The following TTC7B variants were observed in gnomAD, a reference collection of about 807,000 sequenced individuals.
The protein encoded by TTC7B is tetratricopeptide repeat protein 7B.
A neutral mutation model predicts 106.8 loss-of-function variants in TTC7B; 28 were observed. The observed-to-expected ratio is 0.26, with a 90% CI of 0.19 to 0.36. The LOEUF is 0.36. Ranked by LOEUF, TTC7B falls within the 10% of genes least tolerant of loss-of-function variation. The pLI, the probability that TTC7B is intolerant of heterozygous loss-of-function variation, is 1.00. For synonymous variants in TTC7B, 405 were observed against 430.6 expected, an observed-to-expected ratio of 0.94 and a Z score of 0.74; for missense variants, 862 against 1,076.4, an observed-to-expected ratio of 0.80 and a Z score of 2.79.
chr14:90,684,872 T>A (rs560024374), intron 7 of TTC7B, among the ~76,000 whole-genome samples: 17 of 152,270 alleles, frequency 1.1e-4, no homozygotes, highest in African/African-American at 3.6e-4. Context: ...GTATGGTGTG[T>A]ATCCAAAAAA....
At chr14:90,583,254 T>C (rs1235456296) in intron 18 of TTC7B, among the ~76,000 whole-genome samples, 1 of 152,240 alleles carries the variant, frequency 6.6e-6, no homozygotes, top group African/African-American at 2.4e-5. Context: ...AGACAACTCC[T>C]AGCCACAGTC....
At chr14:90,677,970 C>A (rs2139925700) in intron 8 of TTC7B, 1 of 354,194 alleles carries the variant, frequency 2.8e-6, no homozygotes, top group Admixed American at 4.2e-5. Context: ...CCCTCTTGAG[C>A]CCAAAAAAAG....
rs149707074 is a variant in TTC7B at position 90,780,250 on chromosome 14, G to A, written c.445+488C>T. Among the ~76,000 whole-genome samples the A allele has an allele frequency of 3.9e-3, 588 of 151,988 alleles. 6 individuals are homozygous for A. The highest frequency in any genetic ancestry group is 0.013 in the African/African-American group (546 of 41,410). On this transcript the variant is annotated intron_variant, in intron 3 of 19. Coordinates refer to ENST00000328459, the MANE Select transcript of TTC7B (RefSeq NM_001010854.2). ...TACAAAATTAGCTGGGTGTGGTGGC[G>A]CATGCCTGTAATCCCAGCTACTCGG...
At position 90,807,362 on chromosome 14, in the gene TTC7B, C is replaced by T. The variant is rs1304102970; in HGVS notation, c.121+8813G>A. On this transcript the variant is annotated intron_variant, in intron 1 of 19. Coordinates refer to ENST00000328459, the MANE Select transcript of TTC7B (RefSeq NM_001010854.2). The surrounding 1 kb of genome is among the most constrained non-coding windows in gnomAD (Gnocchi z 4.1). ...CACATTCTGTCTCCCACTCGGACAA[C>T]CACGTCTAAAGTCTGGTCCTAGAAC... Among the ~76,000 whole-genome samples, 1 of 152,174 alleles carries T rather than the reference C, an allele frequency of 6.6e-6. No individual in the cohort carries two copies. Among genetic ancestry groups the T allele is most frequent in the Non-Finnish European group, 1.5e-5 (1 of 68,034 alleles).
intron 15 of TTC7B, among the ~76,000 whole-genome samples, chr14:90,628,482 T>A (rs1015637101): frequency 6.6e-6 from 1 of 152,166 alleles, no homozygotes; most frequent in Non-Finnish European, 1.5e-5. Context: ...GGGACCCAGT[T>A]CAGCAGACAA....
At chr14:90,710,211 A>G (rs67204198) in intron 5 of TTC7B, among the ~76,000 whole-genome samples, 23,552 of 152,088 alleles carry the variant, frequency 0.15, 1,942 homozygotes, top group Middle Eastern at 0.22. Context: ...GAGGGCTTCA[A>G]ATCTTCAGTG....
At chr14:90,794,727 G>A (rs1304978248) in intron 1 of TTC7B, among the ~76,000 whole-genome samples, 1 of 152,094 alleles carries the variant, frequency 6.6e-6, no homozygotes, top group Non-Finnish European at 1.5e-5. Flanking sequence ...TTTTTCAAAA[G>A]TCCAGGCGCT....
chr14:90,702,982 C>T (rs2139957133), intron 5 of TTC7B, among the ~76,000 whole-genome samples: 1 of 152,286 alleles, frequency 6.6e-6, no homozygotes, highest in Admixed American at 6.5e-5. Context: ...CTGAGTTCAT[C>T]AAGAAGGGCC....
chr14:90,771,698 T>C (rs1858536893), intron 3 of TTC7B, among the ~76,000 whole-genome samples: 1 of 151,742 alleles, frequency 6.6e-6, no homozygotes, highest in South Asian at 2.1e-4. Context: ...TGTACACACA[T>C]ACACACACAC....
chr14:90,783,850 T>C lies in TTC7B; in HGVS notation c.276+2324A>G, dbSNP rs144169742. 4.4e-3 allele frequency among the ~76,000 whole-genome samples: 666 copies of C among 152,124 alleles called. 2 individuals are homozygous for C. Among genetic ancestry groups the C allele is most frequent in the African/African-American group, 0.015 (635 of 41,470 alleles). ...TACTCAGGAGGCTGAGGCATAAGAA[T>C]TGCTTGAACCTGGGAGGTGGAGGTT... On this transcript the variant is annotated intron_variant, in intron 2 of 19. Coordinates refer to ENST00000328459, the MANE Select transcript of TTC7B (RefSeq NM_001010854.2).
At chr14:90,762,644 A>G (rs1336025645) in intron 3 of TTC7B, among the ~76,000 whole-genome samples, 1 of 152,216 alleles carries the variant, frequency 6.6e-6, no homozygotes, top group Non-Finnish European at 1.5e-5. Context: ...CTTGACTATG[A>G]CATGTATCGG....
intron 4 of TTC7B, among the ~76,000 whole-genome samples, chr14:90,743,739 G>C (rs117002630): frequency 2.6e-5 from 4 of 152,172 alleles, no homozygotes; most frequent in East Asian, 1.9e-4. Context: ...CCTCACAAAA[G>C]CTTCATGAAG....
intron 3 of TTC7B, among the ~76,000 whole-genome samples, chr14:90,775,484 A>G (rs1890996674): frequency 6.6e-6 from 1 of 152,142 alleles, no homozygotes; most frequent in Non-Finnish European, 1.5e-5. Flanking sequence ...CATGCCCTTA[A>G]CCACTGCATG....
At chr14:90,748,169 T>C (rs1890027743) in intron 3 of TTC7B, among the ~76,000 whole-genome samples, 1 of 152,218 alleles carries the variant, frequency 6.6e-6, no homozygotes, top group Non-Finnish European at 1.5e-5. Flanking sequence ...ACTTTGCTGT[T>C]TGTTTTTTAT....
chr14:90,649,574 G>C (rs1371115544), intron 13 of TTC7B, among the ~76,000 whole-genome samples: 6 of 152,192 alleles, frequency 3.9e-5, no homozygotes, highest in African/African-American at 1.2e-4. Context: ...CACCTGGCTA[G>C]ACTGCTCAGA....
chr14:90,712,850 T>C (rs1888501093), intron 5 of TTC7B, among the ~76,000 whole-genome samples: 1 of 152,132 alleles, frequency 6.6e-6, no homozygotes, highest in Non-Finnish European at 1.5e-5. Context: ...GGAGGACTTA[T>C]ACTACCTAAT....
intron 5 of TTC7B, among the ~76,000 whole-genome samples, chr14:90,702,409 T>C (rs1203928750): frequency 6.6e-6 from 1 of 152,236 alleles, no homozygotes. Flanking sequence ...AACTAGTCAG[T>C]AACAACTGTA....
At position 90,608,138 on chromosome 14, in the gene TTC7B, G is replaced by C. The variant is rs1377343481; in HGVS notation, c.1966+2604C>G. ...TGAATGACAGCATCTGCCCCTTCTTGACTGCACCATGAGCTGAACCATATG... is the reference window on the plus strand; with the variant it reads ...TGAATGACAGCATCTGCCCCTTCTTCACTGCACCATGAGCTGAACCATATG... On this transcript the variant is annotated intron_variant, in intron 17 of 19. Transcript: ENST00000328459. This position sits in a 1 kb window ranked among gnomAD's most constrained non-coding sequence, Gnocchi z 5.1. 6.6e-6 allele frequency among the ~76,000 whole-genome samples: 1 copy of C among 152,236 alleles called. No homozygotes were observed. Among genetic ancestry groups the C allele is most frequent in the Non-Finnish European group, 1.5e-5 (1 of 68,036 alleles).
Position 90,527,421 on chromosome 14 carries a change from C to T in TTC7B, c.*13947G>A, listed in dbSNP as rs1889172260. ...GTTTCACTTAACCCCACCCCTGTTA[C>T]TGTCCCTCTGGTAGAAGTCCTAATA... On this transcript the variant is annotated 3_prime_UTR_variant, in exon 20 of 20. Transcript: ENST00000328459. 6.6e-6 allele frequency: 1 copy of T among 152,196 alleles called. No individual in the cohort carries two copies. The highest frequency in any genetic ancestry group is 1.5e-5 in the Non-Finnish European group (1 of 68,040). 9.4% of individuals were successfully genotyped at this position (152,196 alleles called of 1,614,324 possible). A position where few individuals can be genotyped will look rare whatever the true frequency, so the allele number is the denominator to read the frequency against.
Sources: gnomAD v4.1 joint callset for allele counts (sites outside exome capture counted in the v4.1 genomes callset) on GRCh38, gnomAD v4.1.1 for gene constraint, Gnocchi (gnomAD v3.1) non-coding constraint, MANE v1.5 for transcripts, NCBI Gene and HGNC (gene_info 2026-07-23, HGNC 2026-07-21) for gene names.